Variants in VPS13B observed in about 807,000 individuals in gnomAD.
VPS13B encodes the protein intermembrane lipid transfer protein VPS13B.
Under a neutral mutation model 426.4 loss-of-function variants are expected in VPS13B, and 285 were observed. That is an observed-to-expected ratio of 0.67 (90% CI 0.61 to 0.74). The LOEUF (loss-of-function observed/expected upper bound fraction) is 0.74, where lower values mean the gene tolerates loss of function less well. VPS13B is among the 30% of genes least tolerant of loss of function. The pLI, the probability that VPS13B is intolerant of heterozygous loss-of-function variation, is 0.00. For synonymous variants in VPS13B, 1,676 were observed against 1,676.4 expected (o/e 1.00, Z 0.01); for missense variants, 4,537 against 4,782.6 (o/e 0.95, Z 1.51).
At chr8:99,602,511 T>C (rs1296960769) in intron 33 of VPS13B, among the ~76,000 whole-genome samples, 2 of 152,132 alleles carry the variant, frequency 1.3e-5, no homozygotes, top group East Asian at 1.9e-4. Flanking sequence ...CTATTCAACA[T>C]AGTATTGGAA....
chr8:99,097,700 A>G (rs1289818017), intron 4 of VPS13B, among the ~76,000 whole-genome samples: 2 of 152,204 alleles, frequency 1.3e-5, no homozygotes, highest in African/African-American at 2.4e-5. Context: ...TTCATATAAA[A>G]ATGAGGCAAA....
At chr8:99,644,231 T>C (rs936535998) in intron 34 of VPS13B, among the ~76,000 whole-genome samples, 3 of 152,144 alleles carry the variant, frequency 2.0e-5, no homozygotes, top group African/African-American at 7.2e-5. Flanking sequence ...ACCTTTGAAA[T>C]TGTTAAACTG....
At chr8:99,795,555 A>G (rs560962858) in intron 43 of VPS13B, among the ~76,000 whole-genome samples, 16 of 152,324 alleles carry the variant, frequency 1.1e-4, no homozygotes, top group Admixed American at 3.9e-4. Flanking sequence ...CCAAAACTTG[A>G]GTAGTTAAAG....
At position 99,796,305 on chromosome 8, in the gene VPS13B, A is replaced by G. The variant is rs184553481; in HGVS notation, c.7941+11829A>G. ...ATAAAAGCCAGATTACAGTGGGCTA[A>G]GAAGTGAATGGGAAGTGACGAAGTG... On this transcript the variant is annotated intron_variant, in intron 43 of 61. Coordinates refer to ENST00000357162, the MANE Select transcript of VPS13B (RefSeq NM_152564.5). 7.2e-5 allele frequency among the ~76,000 whole-genome samples: 11 copies of G among 152,274 alleles called. No homozygotes were observed. In the East Asian group the frequency reaches 2.1e-3, roughly 29 times the overall value.
intron 8 of VPS13B, among the ~76,000 whole-genome samples, chr8:99,132,256 A>G (rs1809846991): frequency 6.6e-6 from 1 of 152,170 alleles, no homozygotes; most frequent in Admixed American, 6.5e-5. Context: ...CTGCTGCTTT[A>G]TCGACTAAAT....
chr8:99,383,733 A>G (rs1345300361), intron 19 of VPS13B, among the ~76,000 whole-genome samples: 1 of 152,154 alleles, frequency 6.6e-6, no homozygotes, highest in East Asian at 1.9e-4. Flanking sequence ...TTTCTTTGTC[A>G]GGCTTATTTC....
At chr8:99,058,148 CT>C (rs1295173748) in intron 3 of VPS13B, among the ~76,000 whole-genome samples, 3 of 151,926 alleles carry the variant, frequency 2.0e-5, no homozygotes, top group Middle Eastern at 3.4e-3. Flanking sequence ...TCATGATTTA[CT>C]TTTTTCACCC....
chr8:99,016,735 C>T (rs1034086547), intron 2 of VPS13B, among the ~76,000 whole-genome samples: 2 of 151,590 alleles, frequency 1.3e-5, no homozygotes, highest in Non-Finnish European at 2.9e-5. Context: ...GGACTGCAGG[C>T]GCCCGCCACC....
At chr8:99,866,034 GCACT>G (rs1817081071) in intron 58 of VPS13B, among the ~76,000 whole-genome samples, 1 of 152,154 alleles carries the variant, frequency 6.6e-6, no homozygotes, top group Non-Finnish European at 1.5e-5. Context: ...GCGGGGTGCA[GCACT>G]CACTCAGTCC....
chr8:99,647,331 G>T (rs899867393), intron 34 of VPS13B, among the ~76,000 whole-genome samples: 3 of 152,134 alleles, frequency 2.0e-5, no homozygotes, highest in African/African-American at 4.8e-5. Context: ...GGAGGCCGAG[G>T]TGGGCAGATC....
chr8:99,241,678 G>C (rs1282502851), intron 17 of VPS13B, among the ~76,000 whole-genome samples: 1 of 152,150 alleles, frequency 6.6e-6, no homozygotes, highest in Non-Finnish European at 1.5e-5. Context: ...GGAAAAGCCA[G>C]TTATTCAAAA....
At chr8:99,583,290 C>G (rs1826161948) in intron 33 of VPS13B, among the ~76,000 whole-genome samples, 1 of 152,036 alleles carries the variant, frequency 6.6e-6, no homozygotes, top group African/African-American at 2.4e-5. Flanking sequence ...ATGTGTTCTT[C>G]TATTAATATA....
intron 3 of VPS13B, among the ~76,000 whole-genome samples, chr8:99,052,915 T>C (rs936587764): frequency 6.6e-6 from 1 of 152,098 alleles, no homozygotes; most frequent in Non-Finnish European, 1.5e-5. Context: ...ATTTGATTCT[T>C]CTCTCTTTTC....
Position 99,854,223 on chromosome 8 carries a change from A to G in VPS13B, c.10834A>G (p.Met3612Val). ...TARQLVHALA[M>V]HYAAGALFRA... ...GAGGCAGCTTGTGCACGCCCTGGCA[A>G]TGCACTATGCCGCTGGGGCCCTTTT... The change falls in exon 56 of 62, where the codon ATG (methionine) becomes GTG (valine). Residue 3612 changes from methionine (M) to valine (V), a missense_variant. Physicochemically the swap from Met to Val is conservative, Grantham distance 21 (BLOSUM62 1). Coordinates refer to ENST00000357162, the MANE Select transcript of VPS13B (RefSeq NM_152564.5). 7 of 1,614,056 alleles carry G rather than the reference A, an allele frequency of 4.3e-6. No individual in the cohort carries two copies. The highest frequency in any genetic ancestry group is 5.9e-6 in the Non-Finnish European group (7 of 1,180,012).
In VPS13B at chr8:99,178,606, ATTTAT is replaced by A. The variant is rs1319937111; in HGVS notation, c.2333+8462_2333+8466del. Reference sequence around the variant, plus strand: ...AAATCGCTTGCATTGGACATCTTTTATTTATTTTATTTTATTTTATTTTTCTATAT... The same window carrying A: ...AAATCGCTTGCATTGGACATCTTTTATTTATTTTATTTTATTTTTCTATAT... On this transcript the variant is annotated intron_variant, in intron 16 of 61. Coordinates refer to ENST00000357162, the MANE Select transcript of VPS13B (RefSeq NM_152564.5). Among the ~76,000 whole-genome samples, 16 of 151,866 alleles carry A rather than the reference ATTTAT, an allele frequency of 1.1e-4. No homozygotes were observed. In the South Asian group the frequency reaches 2.5e-3, roughly 24 times the overall value.
intron 29 of VPS13B, among the ~76,000 whole-genome samples, chr8:99,516,288 TA>T (rs1163843763): frequency 6.6e-6 from 1 of 152,192 alleles, no homozygotes; most frequent in African/African-American, 2.4e-5. Flanking sequence ...TCTTACATTA[TA>T]TTTTATATGG....
intron 25 of VPS13B, among the ~76,000 whole-genome samples, chr8:99,485,320 A>G (rs894457997): frequency 1.3e-5 from 2 of 152,228 alleles, no homozygotes; most frequent in Non-Finnish European, 1.5e-5. Flanking sequence ...AAATTATTTC[A>G]GTGTAACAAT....
At position 99,642,162 on chromosome 8, in the gene VPS13B, G is replaced by C. The variant is rs886062542; in HGVS notation, c.5572G>C (p.Asp1858His). 1 of 1,613,986 alleles carries C rather than the reference G, an allele frequency of 6.2e-7. No individual in the cohort carries two copies. Among genetic ancestry groups the C allele is most frequent in the Non-Finnish European group, 8.5e-7 (1 of 1,180,012 alleles). ...SSLNLPEVDSDVAKPNQACIS... is the reference protein window; with the variant it reads ...SSLNLPEVDSHVAKPNQACIS... ...ATTAAATCTCCCAGAAGTTGATTCA[G>C]ATGTTGCTAAGCCCAACCAGGCATG... The change falls in exon 34 of 62, where the codon GAT becomes CAT. Residue 1858 changes from aspartate (D) to histidine (H), a missense_variant. By Grantham distance (81) the Asp-to-His change is moderately conservative. Transcript: ENST00000357162.
chr8:99,310,473 A>G (rs1820894059), intron 19 of VPS13B, among the ~76,000 whole-genome samples: 1 of 152,138 alleles, frequency 6.6e-6, no homozygotes, highest in Non-Finnish European at 1.5e-5. Flanking sequence ...GGTTCTGTTT[A>G]TATACTGGAT....
Sources: allele counts gnomAD v4.1 joint callset (sites outside exome capture counted in the v4.1 genomes callset), GRCh38; gene constraint gnomAD v4.1.1; transcripts MANE v1.5; gene names NCBI Gene and HGNC (gene_info 2026-07-23, HGNC 2026-07-21).